Variants in L3MBTL4 observed in about 807,000 individuals in gnomAD.
L3MBTL4 encodes L3MBTL histone methyl-lysine binding protein 4.
A neutral mutation model predicts 84.5 loss-of-function variants in L3MBTL4; 70 were observed. The observed-to-expected ratio is 0.83, with a 90% CI of 0.68 to 1.01. L3MBTL4 has a LOEUF of 1.01. Among genes scored for constraint, L3MBTL4 ranks in the 50% least tolerant of loss-of-function variants. L3MBTL4 has a pLI of 0.00. For missense variants in L3MBTL4, 715 were observed against 754.8 expected, an observed-to-expected ratio of 0.95 and a Z score of 0.62; for synonymous variants, 274 against 259.8, an observed-to-expected ratio of 1.05 and a Z score of -0.52.
chr18:6,406,728 CCTGTTAA>C (rs1349710325), intron 1 of L3MBTL4, among the ~76,000 whole-genome samples: 1 of 152,094 alleles, frequency 6.6e-6, no homozygotes, highest in African/African-American at 2.4e-5. Context: ...ACAACAAATT[CCTGTTAA>C]CTGTACCGAG....
chr18:6,327,087 C>T (rs1361888187), intron 1 of L3MBTL4, among the ~76,000 whole-genome samples: 1 of 152,128 alleles, frequency 6.6e-6, no homozygotes, highest in Non-Finnish European at 1.5e-5. Flanking sequence ...TCCTCTTCTA[C>T]CCAGGAAAAT....
chr18:6,406,317 C>G (rs2055732958), intron 1 of L3MBTL4, among the ~76,000 whole-genome samples: 1 of 152,248 alleles, frequency 6.6e-6, no homozygotes, highest in South Asian at 2.1e-4. Context: ...GACACTTGTA[C>G]TTGGCCAGTC....
At chr18:5,994,087 C>T (rs1449599928) in intron 16 of L3MBTL4, among the ~76,000 whole-genome samples, 1 of 152,190 alleles carries the variant, frequency 6.6e-6, no homozygotes, top group African/African-American at 2.4e-5. Flanking sequence ...ACATAATCTG[C>T]ACCATCTACC....
intron 5 of L3MBTL4, among the ~76,000 whole-genome samples, chr18:6,262,149 T>C (rs760210435): frequency 1.2e-4 from 19 of 152,266 alleles, no homozygotes; most frequent in African/African-American, 3.4e-4. Flanking sequence ...TCACAGTGCC[T>C]GATAGTTCTC....
rs143489734 is a variant in L3MBTL4 at position 5,992,133 on chromosome 18, T to C, written c.1445-22571A>G. Among the ~76,000 whole-genome samples the C allele has an allele frequency of 2.8e-3, 429 of 152,264 alleles. 1 individual carries two copies. Among genetic ancestry groups the C allele is most frequent in the African/African-American group, 1.0e-2 (415 of 41,572 alleles). On this transcript the variant is annotated intron_variant, in intron 16 of 18. Transcript: ENST00000317931. Reference sequence around the variant, plus strand: ...GCAGGAAGGGCATATGTGGAAAGAATCGGTTGCAGCAACGAGGTACGTGCG... The same window carrying C: ...GCAGGAAGGGCATATGTGGAAAGAACCGGTTGCAGCAACGAGGTACGTGCG...
At chr18:6,295,165 G>A (rs1235541358) in intron 4 of L3MBTL4, among the ~76,000 whole-genome samples, 21 of 151,790 alleles carry the variant, frequency 1.4e-4, no homozygotes, top group Admixed American at 1.3e-3. Context: ...CTAGCTACTT[G>A]GGAGGCTAGG....
intron 1 of L3MBTL4, among the ~76,000 whole-genome samples, chr18:6,331,333 A>G (rs1048307399): frequency 2.6e-5 from 4 of 152,206 alleles, no homozygotes; most frequent in Admixed American, 2.6e-4. Flanking sequence ...AATCGCTGAG[A>G]GATCAGAGAT....
chr18:5,984,994 T>C (rs77041279), intron 16 of L3MBTL4, among the ~76,000 whole-genome samples: 3 of 152,020 alleles, frequency 2.0e-5, no homozygotes, highest in East Asian at 1.9e-4. Flanking sequence ...TTTTTTTTTT[T>C]CCTGGGAGCT....
chr18:6,398,643 G>T (rs889347429), intron 1 of L3MBTL4, among the ~76,000 whole-genome samples: 3 of 151,420 alleles, frequency 2.0e-5, no homozygotes, highest in African/African-American at 7.3e-5. Flanking sequence ...TGGCAATCCT[G>T]GCCTCATTCA....
At chr18:6,224,871 G>A (rs1331459049) in intron 10 of L3MBTL4, among the ~76,000 whole-genome samples, 1 of 150,694 alleles carries the variant, frequency 6.6e-6, no homozygotes, top group Non-Finnish European at 1.5e-5. Flanking sequence ...TAACTAAGAT[G>A]AACTAGATAT....
rs1390483420 is a variant in L3MBTL4, at chr18:6,243,311, T to A, written c.443A>T (p.Glu148Val). ...TGGCTTACCCTTAGGGATGTGCAGTTCATGTTTGGTCTTTTCACACCATCC... is the reference window on the plus strand; with the variant it reads ...TGGCTTACCCTTAGGGATGTGCAGTACATGTTTGGTCTTTTCACACCATCC... ...PVGWCEKTKH[E>V]LHIPKGYRKD... Residue 148 changes from glutamate (E) to valine (V), a missense_variant, in exon 7 of 19, where the codon GAA becomes GTA. Coordinates refer to ENST00000317931, the MANE Select transcript of L3MBTL4 (RefSeq NM_001330559.2). The A allele has an allele frequency of 6.3e-7, 1 of 1,594,626 alleles. No homozygotes were observed. The highest frequency in any genetic ancestry group is 1.2e-5 in the South Asian group (1 of 85,588).
intron 16 of L3MBTL4, among the ~76,000 whole-genome samples, chr18:5,996,747 G>A (rs1052072713): frequency 2.3e-4 from 35 of 152,280 alleles, no homozygotes; most frequent in African/African-American, 8.2e-4. Context: ...AGTCAGCTGT[G>A]GACCAGTGGA....
chr18:6,171,772 C>A, intron 13 of L3MBTL4, 56 bp downstream of exon 13: 1 of 1,027,182 alleles, frequency 9.7e-7, no homozygotes. Flanking sequence ...AGCAACATTA[C>A]GGCTGGAAAT....
intron 1 of L3MBTL4, chr18:6,399,757 T>C (rs1360449516): frequency 6.6e-6 from 1 of 152,256 alleles, no homozygotes; most frequent in Non-Finnish European, 1.5e-5. Context: ...CTTCATGGTC[T>C]CTATATGATA....
chr18:6,361,005 A>G (rs1164647789), intron 1 of L3MBTL4, among the ~76,000 whole-genome samples: 1 of 148,882 alleles, frequency 6.7e-6, no homozygotes, highest in Non-Finnish European at 1.5e-5. Context: ...GCAAGAGAAT[A>G]AGACTCTACC....
intron 14 of L3MBTL4, among the ~76,000 whole-genome samples, chr18:6,133,896 G>A (rs750750204): frequency 6.6e-6 from 1 of 152,114 alleles, no homozygotes; most frequent in East Asian, 1.9e-4. Flanking sequence ...CTTCCTCTAG[G>A]AACATTCAAC....
chr18:6,261,334 T>C (rs1185652231), intron 5 of L3MBTL4, among the ~76,000 whole-genome samples: 3 of 152,196 alleles, frequency 2.0e-5, no homozygotes, highest in Non-Finnish European at 2.9e-5. Flanking sequence ...ATGTCAAACA[T>C]GTCTGTTTTC....
intron 12 of L3MBTL4, among the ~76,000 whole-genome samples, chr18:6,175,159 A>AG (rs1378179571): frequency 6.6e-6 from 1 of 152,200 alleles, no homozygotes; most frequent in Non-Finnish European, 1.5e-5. Context: ...TGAAAGCTAA[A>AG]GGGAAACCCT....
chr18:6,409,741 A>C (rs1480719418), intron 1 of L3MBTL4, among the ~76,000 whole-genome samples: 2 of 152,172 alleles, frequency 1.3e-5, no homozygotes, highest in African/African-American at 4.8e-5. Flanking sequence ...CACAGTGCTG[A>C]GTGCCTGACA....
Sources: gnomAD v4.1 joint callset for allele counts (sites outside exome capture counted in the v4.1 genomes callset) on GRCh38, gnomAD v4.1.1 for gene constraint, MANE v1.5 for transcripts, NCBI Gene and HGNC (gene_info 2026-07-23, HGNC 2026-07-21) for gene names.